EHBP1L1: variants seen among roughly 807,000 people sequenced by gnomAD.
EHBP1L1 encodes the protein EH domain binding protein 1 like 1.
In EHBP1L1, 122 loss-of-function variants were observed where a neutral mutation model predicts 151.1. The observed-to-expected ratio is 0.81, with a 90% CI of 0.70 to 0.94. The LOEUF is 0.94. EHBP1L1 is among the 40% of genes least tolerant of loss of function. The pLI, the probability that EHBP1L1 is intolerant of heterozygous loss-of-function variation, is 0.00. For missense variants in EHBP1L1, 1,941 were observed against 1,959.8 expected, an observed-to-expected ratio of 0.99 and a Z score of 0.18; for synonymous variants, 878 against 810.1, an observed-to-expected ratio of 1.08 and a Z score of -1.42.
Position 65,585,598 on chromosome 11 carries a change from G to T in EHBP1L1, c.3933+7G>T. On this transcript the variant is annotated splice_region_variant and intron_variant, in intron 12 of 18. Transcript: ENST00000309295. This position sits in a 1 kb window ranked among gnomAD's most constrained non-coding sequence, Gnocchi z 4.0. ...CATGGGAGCTGCGGCTGCAGTGAGT[G>T]TCAAGGTCCTTCTTTCTTCCCCCGC... The T allele has an allele frequency of 6.4e-7, 1 of 1,568,390 alleles. No individual in the cohort carries two copies.
At position 65,585,333 on chromosome 11, in the gene EHBP1L1, C is replaced by T; in HGVS notation, c.3675C>T (p.Ala1225=). 1 of 1,107,288 alleles carries T rather than the reference C, an allele frequency of 9.0e-7. No homozygotes were observed. The highest frequency in any genetic ancestry group is 1.1e-6 in the Non-Finnish European group (1 of 908,262). 68.6% of individuals were successfully genotyped at this position (1,107,288 alleles called of 1,614,324 possible). A position where few individuals can be genotyped will look rare whatever the true frequency, so the allele number is the denominator to read the frequency against. ...GRASKDGGAE[A]PRESRPAEVP... ...CCTCCAAGGACGGCGGGGCCGAGGC[C>T]CCCCGAGAGTCGCGACCCGCGGAGG... The change falls in exon 12 of 19, where the codon GCC becomes GCT. Residue 1225 remains alanine (A), a synonymous_variant. Transcript: ENST00000309295. The surrounding 1 kb of genome is among the most constrained non-coding windows in gnomAD (Gnocchi z 4.0).
rs1050352655 is a variant in EHBP1L1, at chr11:65,576,286, G to C, written c.-17G>C. The C allele has an allele frequency of 5.7e-6, 9 of 1,568,380 alleles. No homozygotes were observed. The highest frequency in any genetic ancestry group is 6.9e-6 in the Non-Finnish European group (8 of 1,160,382). On this transcript the variant is annotated 5_prime_UTR_variant, in exon 1 of 19. Transcript: ENST00000309295. Reference sequence around the variant, plus strand: ...GAGCCCCGGGCCTGAGAAGTGGGCGGCGGGGTGGCGGGGGCCATGACCTCG... The same window carrying C: ...GAGCCCCGGGCCTGAGAAGTGGGCGCCGGGGTGGCGGGGGCCATGACCTCG...
At position 65,583,256 on chromosome 11, in the gene EHBP1L1, C is replaced by T. The variant is rs758803714; in HGVS notation, c.2584C>T (p.Arg862Ter). Residue 862 changes from arginine (R) to a stop codon, truncating the protein, a stop_gained, in exon 9 of 19, where the codon CGA becomes TGA. Coordinates refer to ENST00000309295, the MANE Select transcript of EHBP1L1 (RefSeq NM_001099409.3). LOFTEE classifies it high-confidence loss of function. ...SGPEAGMAEA[R>*]VLMTRKTEII... The stretch of plus-strand genomic sequence containing the variant: ...GCCCGAGGCTGGAATGGCAGAGGCC[C>T]GAGTACTGATGACCCGTAAGACAGA... 32 of 1,613,378 alleles carry T rather than the reference C, an allele frequency of 2.0e-5. No individual in the cohort carries two copies. The Admixed American group carries it at 3.7e-4, about 18-fold the overall frequency.
chr11:65,587,020 C>G (rs748081236), intron 12 of EHBP1L1, among the ~76,000 whole-genome samples: 5 of 152,156 alleles, frequency 3.3e-5, no homozygotes, highest in Non-Finnish European at 5.9e-5. Flanking sequence ...CTGGCCCGGC[C>G]CTTGGGAGCT....
chr11:65,591,774 G>GCCCCCCCCCC, intron 16 of EHBP1L1, 26 bp from the exon 17 acceptor site: 2 of 373,940 alleles, frequency 5.3e-6, no homozygotes, highest in South Asian at 3.8e-5. Flanking sequence ...CCACCCCCCC[G>GCCCCCCCCCC]CCACCCACCC....
rs561774037 is a variant in EHBP1L1, at chr11:65,589,614, G to A, written c.3934-137G>A. ...GGGCCCGGGGGTTCTGTGCATGCAG[G>A]ACTAGAGGAGGGGCAGGGGCGGGCA... On this transcript the variant is annotated intron_variant, in intron 12 of 18. Transcript: ENST00000309295. 147 of 1,356,172 alleles carry A rather than the reference G, an allele frequency of 1.1e-4. No individual in the cohort carries two copies. The African/African-American group carries it at 2.0e-3, about 19-fold the overall frequency. The allele number at this position is 1,356,172 out of a possible 1,614,324, so 84.0% of individuals were successfully genotyped here. A position where few individuals can be genotyped will look rare whatever the true frequency, so the allele number is the denominator to read the frequency against.
intron 12 of EHBP1L1, among the ~76,000 whole-genome samples, chr11:65,587,473 C>T (rs1025033874): frequency 6.6e-6 from 1 of 152,208 alleles, no homozygotes; most frequent in Non-Finnish European, 1.5e-5. Flanking sequence ...GGCTGGATTT[C>T]TCCACTCTCC....
chr11:65,577,220 A>G (rs1857374844), intron 1 of EHBP1L1, among the ~76,000 whole-genome samples: 1 of 151,906 alleles, frequency 6.6e-6, no homozygotes, highest in African/African-American at 2.4e-5. Context: ...ATTAGGGCAC[A>G]GCTGTGGGGG....
chr11:65,580,446 G>T lies in EHBP1L1; in HGVS notation c.601G>T (p.Ala201Ser). The change falls in exon 6 of 19, where the codon GCC becomes TCC. Residue 201 changes from alanine to serine, a missense_variant. Ala to Ser is a moderately conservative substitution (Grantham distance 99). Transcript: ENST00000309295. ...SDEDEAHGPG[A>S]PEARARVPQP... is the part of the protein sequence containing the mutation. The stretch of plus-strand genomic sequence containing the variant: ...TGAAGATGAGGCTCATGGCCCAGGA[G>T]CCCCGGAGGCCCGGGCTCGAGTCCC... The T allele has an allele frequency of 1.9e-6, 3 of 1,613,304 alleles. No homozygotes were observed. The East Asian group carries it at 6.7e-5, about 36-fold the overall frequency.
intron 18 of EHBP1L1, 48 bp downstream of exon 18, chr11:65,592,138 C>A (rs1156554258): frequency 1.9e-6 from 3 of 1,610,328 alleles, no homozygotes; most frequent in Non-Finnish European, 2.5e-6. Flanking sequence ...CCGGGACTTG[C>A]TCCCGCAGAG....
chr11:65,580,150 C>A lies in EHBP1L1; in HGVS notation c.382C>A (p.Pro128Thr). Residue 128 changes from proline to threonine, a missense_variant, in exon 5 of 19, where the codon CCT becomes ACT. By Grantham distance (38) the Pro-to-Thr change is conservative. Transcript: ENST00000309295. ...VDLARHAGPVPVQVPVRLRLK... is the reference protein window; with the variant it reads ...VDLARHAGPVTVQVPVRLRLK... ...CCTGGCCCGCCATGCAGGGCCCGTG[C>A]CTGTCCAAGTCCCAGTGAGGCTGCG... 1 of 1,613,698 alleles carries A rather than the reference C, an allele frequency of 6.2e-7. No individual in the cohort carries two copies. Among genetic ancestry groups the A allele is most frequent in the Non-Finnish European group, 8.5e-7 (1 of 1,179,862 alleles).
At chr11:65,584,142 C>T in intron 9 of EHBP1L1, 99 bp from the exon 10 acceptor site, 1 of 1,523,908 alleles carries the variant, frequency 6.6e-7, no homozygotes, top group Non-Finnish European at 8.8e-7. Flanking sequence ...CCTGCAAGCT[C>T]AGAGATGGGG....
At position 65,585,108 on chromosome 11, in the gene EHBP1L1, A is replaced by G; in HGVS notation, c.3450A>G (p.Gln1150=). The G allele has an allele frequency of 6.6e-7, 1 of 1,516,916 alleles. No homozygotes were observed. Among genetic ancestry groups the G allele is most frequent in the African/African-American group, 1.4e-5 (1 of 70,528 alleles). 94.0% of individuals were successfully genotyped at this position (1,516,916 alleles called of 1,614,324 possible). ...CCGGGCAGGAGCTGCAGCTGGTACA[A>G]CTGGAGGGCGGCGGCGGCGCCGGCA... The part of the protein sequence containing the change: ...FCTGQELQLV[Q]LEGGGGAGTY... Residue 1150 remains glutamine, a synonymous_variant, in exon 12 of 19, where the codon CAA becomes CAG. Coordinates refer to ENST00000309295, the MANE Select transcript of EHBP1L1 (RefSeq NM_001099409.3). This position sits in a 1 kb window ranked among gnomAD's most constrained non-coding sequence, Gnocchi z 4.0.
intron 11 of EHBP1L1, 172 bp downstream of exon 11, chr11:65,584,706 G>T: frequency 9.2e-7 from 1 of 1,082,234 alleles, no homozygotes; most frequent in Non-Finnish European, 1.3e-6. Flanking sequence ...TCGTTTGTTT[G>T]TTTTAAAGCG....
chr11:65,576,738 T>C (rs1209068587), intron 1 of EHBP1L1, among the ~76,000 whole-genome samples: 1 of 151,968 alleles, frequency 6.6e-6, no homozygotes, highest in Non-Finnish European at 1.5e-5. Context: ...CAGGGTGGCA[T>C]TGGAAAAGGG....
At position 65,582,428 on chromosome 11, in the gene EHBP1L1, G is replaced by C; in HGVS notation, c.1756G>C (p.Glu586Gln). 1 of 1,612,132 alleles carries C rather than the reference G, an allele frequency of 6.2e-7. No homozygotes were observed. The highest frequency in any genetic ancestry group is 1.1e-5 in the South Asian group (1 of 91,050). The change falls in exon 9 of 19, where the codon GAG becomes CAG. Residue 586 changes from glutamate to glutamine, a missense_variant. Physicochemically the swap from Glu to Gln is conservative, Grantham distance 29 (BLOSUM62 2). Coordinates refer to ENST00000309295, the MANE Select transcript of EHBP1L1 (RefSeq NM_001099409.3). ...AGGGTTGGAGGTGCTGGGAACCCAG[G>C]AGAAAGAAGTTGAGGGGTCAGGGTT... The part of the protein sequence containing the change: ...VVGLEVLGTQ[E>Q]KEVEGSGFPE...
Position 65,576,240 on chromosome 11 carries a change from C to A in EHBP1L1, c.-63C>A. 1 of 1,459,954 alleles carries A rather than the reference C, an allele frequency of 6.8e-7. No homozygotes were observed. Among genetic ancestry groups the A allele is most frequent in the Non-Finnish European group, 9.1e-7 (1 of 1,099,518 alleles). 90.4% of individuals were successfully genotyped at this position (1,459,954 alleles called of 1,614,324 possible). ...ACAGGCCATGGGGACCCGGGCCGGG[C>A]CAGCGGTGGCGGGCCAGCGGGAGCC... On this transcript the variant is annotated 5_prime_UTR_variant, in exon 1 of 19. Transcript: ENST00000309295.
rs371683303 is a variant in EHBP1L1 at position 65,582,405 on chromosome 11, G to T, written c.1733G>T (p.Gly578Val). The T allele has an allele frequency of 1.2e-6, 2 of 1,608,208 alleles. No individual in the cohort carries two copies. Among genetic ancestry groups the T allele is most frequent in the South Asian group, 2.2e-5 (2 of 90,642 alleles). The change falls in exon 9 of 19, where the codon GGG (glycine) becomes GTG (valine). Residue 578 changes from glycine to valine, a missense_variant. Coordinates refer to ENST00000309295, the MANE Select transcript of EHBP1L1 (RefSeq NM_001099409.3). ...GDLETETEVVGLEVLGTQEKE... is the reference protein window; with the variant it reads ...GDLETETEVVVLEVLGTQEKE... ...CTGGAAACAGAGACTGAGGTGGTAG[G>T]GTTGGAGGTGCTGGGAACCCAGGAG...
At chr11:65,578,712 G>C (rs1008035160) in intron 1 of EHBP1L1, among the ~76,000 whole-genome samples, 2 of 152,238 alleles carry the variant, frequency 1.3e-5, no homozygotes, top group African/African-American at 4.8e-5. Context: ...TGGAGTCTGC[G>C]TGTGTGCACG....
Sources: allele counts gnomAD v4.1 joint callset (sites outside exome capture counted in the v4.1 genomes callset), GRCh38; gene constraint gnomAD v4.1.1; non-coding constraint Gnocchi (gnomAD v3.1); transcripts MANE v1.5; gene names NCBI Gene and HGNC (gene_info 2026-07-23, HGNC 2026-07-21).